Variants in SLC22A24 observed in about 807,000 individuals in gnomAD.
The protein encoded by SLC22A24 is steroid transmembrane transporter SLC22A24.
SLC22A24 carries 53 observed loss-of-function variants against 49.8 expected under a neutral mutation model. That is an observed-to-expected ratio of 1.06 (90% confidence interval 0.85 to 1.34). The LOEUF (loss-of-function observed/expected upper bound fraction) is 1.34. Ranked by LOEUF, SLC22A24 falls within the 40% of genes most tolerant of loss-of-function variation. The pLI is 0.00. For missense variants in SLC22A24, 786 were observed against 675.9 expected (o/e 1.16, Z -1.81); for synonymous variants, 302 against 256.4 (o/e 1.18, Z -1.70).
At chr11:63,112,530 A>C (rs530926541) in intron 4 of SLC22A24, among the ~76,000 whole-genome samples, 10 of 152,098 alleles carry the variant, frequency 6.6e-5, no homozygotes, top group Admixed American at 5.9e-4. Flanking sequence ...TCTTGCTAGC[A>C]GTCTATGAAT....
intron 7 of SLC22A24, 32 bp from the exon 8 acceptor site, chr11:63,081,698 G>T (rs533739171): frequency 3.4e-6 from 5 of 1,452,404 alleles, no homozygotes; most frequent in South Asian, 1.2e-5. Flanking sequence ...AGGAAATCTT[G>T]CCTGAAGAAA....
At chr11:63,089,004 G>A (rs569602519) in intron 6 of SLC22A24, among the ~76,000 whole-genome samples, 10 of 152,204 alleles carry the variant, frequency 6.6e-5, no homozygotes, top group Non-Finnish European at 1.3e-4. Flanking sequence ...CACACTTCAG[G>A]ATATTATCCA....
At chr11:63,085,641 T>C (rs2086982965) in intron 6 of SLC22A24, among the ~76,000 whole-genome samples, 1 of 152,196 alleles carries the variant, frequency 6.6e-6, no homozygotes, top group African/African-American at 2.4e-5. Context: ...AAGCAAATAT[T>C]CTATTTAAGT....
intron 1 of SLC22A24, among the ~76,000 whole-genome samples, chr11:63,139,220 C>A (rs1218499149): frequency 6.6e-6 from 1 of 151,930 alleles, no homozygotes; most frequent in Non-Finnish European, 1.5e-5. Flanking sequence ...ACACGAGGGG[C>A]CCTAAGATAA....
Position 63,138,894 on chromosome 11 carries a change from G to A in SLC22A24, c.403-4126C>T, listed in dbSNP as rs376741134. On this transcript the variant is annotated intron_variant, in intron 1 of 9. Coordinates refer to ENST00000612278, the MANE Select transcript of SLC22A24 (RefSeq NM_001136506.2). ...TCCTCTGTTGAATTTTCCTTTCTCTGAACTACCTTGTAGAGATTCTAAATC... is the reference window on the plus strand; with the variant it reads ...TCCTCTGTTGAATTTTCCTTTCTCTAAACTACCTTGTAGAGATTCTAAATC... Among the ~76,000 whole-genome samples the A allele has an allele frequency of 2.6e-4, 39 of 152,068 alleles. 1 individual carries two copies. In the South Asian group the frequency reaches 7.1e-3, roughly 28 times the overall value.
At chr11:63,112,003 C>T (rs2087168997) in intron 4 of SLC22A24, among the ~76,000 whole-genome samples, 1 of 151,922 alleles carries the variant, frequency 6.6e-6, no homozygotes, top group Non-Finnish European at 1.5e-5. Flanking sequence ...ATAAATTTCC[C>T]TCTACACACT....
intron 2 of SLC22A24, among the ~76,000 whole-genome samples, chr11:63,132,237 G>A (rs2087341797): frequency 1.3e-5 from 2 of 152,182 alleles, no homozygotes; most frequent in South Asian, 2.1e-4. Flanking sequence ...TGCTTCTTTA[G>A]CTTGGAGAAG....
Position 63,079,986 on chromosome 11 carries a change from C to T in SLC22A24, c.1613G>A (p.Arg538Lys). ...QDVENDRKDS[R>K]NIKQEDTCMK... The stretch of plus-strand genomic sequence containing the variant: ...GCAAGTATCTTCCTGCTTTATGTTT[C>T]TTGAATCTTTTCTGCTGAGAAATAG... The change falls in exon 10 of 10, where the codon AGA (arginine) becomes AAA (lysine). Residue 538 changes from arginine (R) to lysine (K), a missense_variant. Physicochemically the swap from Arg to Lys is conservative, Grantham distance 26. Coordinates refer to ENST00000612278, the MANE Select transcript of SLC22A24 (RefSeq NM_001136506.2). The T allele has an allele frequency of 6.5e-7, 1 of 1,538,624 alleles. No individual in the cohort carries two copies. Among genetic ancestry groups the T allele is most frequent in the East Asian group, 2.5e-5 (1 of 40,816 alleles).
At chr11:63,115,280 C>T (rs1235952300) in intron 4 of SLC22A24, among the ~76,000 whole-genome samples, 3 of 152,208 alleles carry the variant, frequency 2.0e-5, no homozygotes, top group Non-Finnish European at 2.9e-5. Context: ...GGCAGACACC[C>T]CTCCCCCCAT....
intron 4 of SLC22A24, among the ~76,000 whole-genome samples, chr11:63,108,644 CT>C (rs2087139148): frequency 6.6e-6 from 1 of 152,108 alleles, no homozygotes; most frequent in South Asian, 2.1e-4. Flanking sequence ...CAACTTTTTC[CT>C]GGTGTTTAGT....
chr11:63,131,012 C>G (rs2087330956), intron 2 of SLC22A24, among the ~76,000 whole-genome samples: 1 of 151,540 alleles, frequency 6.6e-6, no homozygotes, highest in African/African-American at 2.4e-5. Flanking sequence ...TGAATTGATC[C>G]CTTTACCATT....
intron 2 of SLC22A24, among the ~76,000 whole-genome samples, chr11:63,120,399 C>T (rs910632640): frequency 6.6e-6 from 1 of 150,926 alleles, no homozygotes; most frequent in South Asian, 2.1e-4. Context: ...CACATGTATA[C>T]GTATGTAACT....
intron 8 of SLC22A24, 124 bp downstream of exon 8, chr11:63,081,434 T>C: frequency 1.4e-6 from 1 of 731,072 alleles, no homozygotes; most frequent in Non-Finnish European, 2.4e-6. Context: ...TCTCAGTTAC[T>C]CTGTTCATTT....
chr11:63,083,505 C>A (rs1254782435), intron 6 of SLC22A24, 48 bp from the exon 7 acceptor site: 9 of 1,429,834 alleles, frequency 6.3e-6, no homozygotes, highest in Non-Finnish European at 8.6e-6. Flanking sequence ...GATTTAAAGC[C>A]TAGGAAACAT....
intron 6 of SLC22A24, among the ~76,000 whole-genome samples, chr11:63,093,013 A>T (rs575236318): frequency 6.6e-6 from 1 of 152,294 alleles, no homozygotes; most frequent in African/African-American, 2.4e-5. Flanking sequence ...AAACAACCCC[A>T]TCAAAAAGTG....
At chr11:63,138,113 G>A (rs1050957544) in intron 1 of SLC22A24, among the ~76,000 whole-genome samples, 1 of 152,158 alleles carries the variant, frequency 6.6e-6, no homozygotes, top group Non-Finnish European at 1.5e-5. Context: ...ACCTCTATAA[G>A]CCTGCCTTTC....
chr11:63,120,884 T>C (rs1175644245), intron 2 of SLC22A24, among the ~76,000 whole-genome samples: 1 of 152,072 alleles, frequency 6.6e-6, no homozygotes, highest in African/African-American at 2.4e-5. Context: ...AGATCTATGA[T>C]ACAGGACATG....
intron 9 of SLC22A24, 66 bp from the exon 10 acceptor site, chr11:63,080,066 G>T: frequency 9.4e-7 from 1 of 1,062,068 alleles, no homozygotes; most frequent in Non-Finnish European, 1.4e-6. Context: ...TATAGATTAA[G>T]CATATATATA....
intron 2 of SLC22A24, among the ~76,000 whole-genome samples, chr11:63,125,975 C>T (rs1167041987): frequency 6.6e-6 from 1 of 152,154 alleles, no homozygotes; most frequent in East Asian, 1.9e-4. Flanking sequence ...AGTGTCTGTT[C>T]ATATCCTTCG....
Sources: gnomAD v4.1 joint callset for allele counts (sites outside exome capture counted in the v4.1 genomes callset) on GRCh38, gnomAD v4.1.1 for gene constraint, MANE v1.5 for transcripts, NCBI Gene and HGNC (gene_info 2026-07-23, HGNC 2026-07-21) for gene names.